Variants in ZNRF3 observed in about 807,000 individuals in gnomAD.
ZNRF3 encodes the protein zinc and ring finger 3, also known as E3 ubiquitin-protein ligase ZNRF3.
Under a neutral mutation model 72.5 loss-of-function variants are expected in ZNRF3, and 23 were observed. That is an observed-to-expected ratio of 0.32 (90% confidence interval 0.23 to 0.45). The LOEUF (loss-of-function observed/expected upper bound fraction) is 0.45. Among genes scored for constraint, ZNRF3 ranks in the 20% least tolerant of loss-of-function variants. ZNRF3 has a pLI of 1.00. For missense variants in ZNRF3, 1,169 were observed against 1,272.1 expected (o/e 0.92, Z 1.23); for synonymous variants, 610 against 545.3 (o/e 1.12, Z -1.65).
chr22:28,920,004 T>C (rs1372693320), intron 1 of ZNRF3, among the ~76,000 whole-genome samples: 1 of 151,282 alleles, frequency 6.6e-6, no homozygotes, highest in Non-Finnish European at 1.5e-5. Flanking sequence ...TTGCTCTTGT[T>C]GCCCAGGCTG....
intron 1 of ZNRF3, among the ~76,000 whole-genome samples, chr22:28,982,262 A>G (rs1026117868): frequency 6.6e-6 from 1 of 152,128 alleles, no homozygotes; most frequent in African/African-American, 2.4e-5. Flanking sequence ...TGATATTCCA[A>G]CAATTAGCAG....
intron 1 of ZNRF3, among the ~76,000 whole-genome samples, chr22:28,887,233 A>AGTGTGTGTGT (rs1460152534): frequency 2.7e-5 from 2 of 72,854 alleles, no homozygotes; most frequent in Admixed American, 1.2e-4. Context: ...AGAGAGAGAG[A>AGTGTGTGTGT]GAGTGTGTGT....
At chr22:29,027,527 G>A (rs936909817) in intron 2 of ZNRF3, among the ~76,000 whole-genome samples, 16 of 152,250 alleles carry the variant, frequency 1.1e-4, no homozygotes, top group African/African-American at 3.6e-4. Context: ...GGGATTACAG[G>A]CGTGAGCCAC....
intron 1 of ZNRF3, among the ~76,000 whole-genome samples, chr22:28,939,551 C>A (rs2034905137): frequency 6.7e-6 from 1 of 149,908 alleles, no homozygotes; most frequent in African/African-American, 2.5e-5. Flanking sequence ...AATCCTGAAG[C>A]CCTCCCTGAA....
At chr22:28,922,877 C>T (rs532978914) in intron 1 of ZNRF3, among the ~76,000 whole-genome samples, 16 of 152,036 alleles carry the variant, frequency 1.1e-4, no homozygotes, top group Non-Finnish European at 1.9e-4. Context: ...CTGAGTTAAA[C>T]GTGTAGCAGA....
At chr22:28,998,958 G>C (rs2036094093) in intron 2 of ZNRF3, among the ~76,000 whole-genome samples, 1 of 152,066 alleles carries the variant, frequency 6.6e-6, no homozygotes, top group Non-Finnish European at 1.5e-5. Flanking sequence ...TGCAACAAGG[G>C]TCACAAATGA....
chr22:29,050,225 A>G lies in ZNRF3; in HGVS notation c.2044A>G (p.Thr682Ala), dbSNP rs1251999950. The G allele has an allele frequency of 6.2e-7, 1 of 1,600,016 alleles. No homozygotes were observed. Among genetic ancestry groups the G allele is most frequent in the East Asian group, 2.2e-5 (1 of 44,868 alleles). The stretch of plus-strand genomic sequence containing the variant: ...GGAGCACAGGGGGCCCAATAGCTCT[A>G]CCTCAGAAGTGGGGCTCGAGGCTTC... ...SLEHRGPNSS[T>A]SEVGLEASPG... Residue 682 changes from threonine to alanine, a missense_variant, in exon 8 of 9, where the codon ACC becomes GCC. Thr to Ala is a moderately conservative substitution (Grantham distance 58). Transcript: ENST00000544604.
rs544905216 is a variant in ZNRF3 at position 28,896,236 on chromosome 22, G to A, written c.300+12170G>A. Among the ~76,000 whole-genome samples, 135 of 152,354 alleles carry A rather than the reference G, an allele frequency of 8.9e-4. 3 individuals are homozygous for A. Among genetic ancestry groups the A allele is most frequent in the Admixed American group, 5.0e-3 (76 of 15,304 alleles). On this transcript the variant is annotated intron_variant, in intron 1 of 8. Transcript: ENST00000544604. Reference sequence around the variant, plus strand: ...TGCAACCTCCGCCTCCCGGGTTCAAGCGATTCTCCTGCCTCAGCCTCCCGA... The same window carrying A: ...TGCAACCTCCGCCTCCCGGGTTCAAACGATTCTCCTGCCTCAGCCTCCCGA...
In ZNRF3 at chr22:29,056,236, G is replaced by A. The variant is rs2037294701; in HGVS notation, c.*2614G>A. The A allele has an allele frequency of 6.6e-6, 1 of 152,140 alleles. No homozygotes were observed. The highest frequency in any genetic ancestry group is 2.4e-5 in the African/African-American group (1 of 41,394). The allele number at this position is 152,140 out of a possible 1,614,324, so 9.4% of individuals were successfully genotyped here. A position where few individuals can be genotyped will look rare whatever the true frequency, so the allele number is the denominator to read the frequency against. On this transcript the variant is annotated 3_prime_UTR_variant, in exon 9 of 9. Transcript: ENST00000544604. ...CCTGCCTCAGCCTCCCAAGTAGCTG[G>A]GATTACAGGCATGCGCCACCACACC...
chr22:28,914,572 T>G (rs995608226), intron 1 of ZNRF3, among the ~76,000 whole-genome samples: 1 of 151,392 alleles, frequency 6.6e-6, no homozygotes, highest in Non-Finnish European at 1.5e-5. Flanking sequence ...TCCAGCACTT[T>G]GGGAGGCCGA....
In ZNRF3 at chr22:28,994,171, C is replaced by CCTGT. The variant is rs2036004352; in HGVS notation, c.426+6972_426+6973insGTCT. Among the ~76,000 whole-genome samples the CCTGT allele has an allele frequency of 3.5e-5, 3 of 85,892 alleles. 1 individual carries two copies. Among genetic ancestry groups the CCTGT allele is most frequent in the Non-Finnish European group, 6.9e-5 (3 of 43,240 alleles). 56.3% of individuals were successfully genotyped at this position (85,892 alleles called of 152,430 possible). ...CTCCCTCCTTTATTGTCCTTCAGTT[C>CCTGT]CTTTCTTTTTTTTTTTTTTTTTTTT... On this transcript the variant is annotated intron_variant, in intron 2 of 8. Transcript: ENST00000544604.
intron 1 of ZNRF3, among the ~76,000 whole-genome samples, chr22:28,887,077 C>T (rs2033801561): frequency 1.3e-5 from 2 of 152,264 alleles, no homozygotes; most frequent in South Asian, 4.2e-4. Flanking sequence ...TTTGTTATTT[C>T]CACTGGGGTT....
chr22:28,989,724 G>T (rs1054872470), intron 2 of ZNRF3, among the ~76,000 whole-genome samples: 2 of 152,084 alleles, frequency 1.3e-5, no homozygotes, highest in Admixed American at 6.5e-5. Flanking sequence ...CCAGGCATTC[G>T]GAAAAGCCTG....
chr22:28,987,324 T>C, intron 2 of ZNRF3, 123 bp downstream of exon 2: 1 of 1,415,306 alleles, frequency 7.1e-7, no homozygotes, highest in South Asian at 1.5e-5. Flanking sequence ...CCTTCCCGGC[T>C]GAAGTTGCAT....
chr22:28,977,445 A>T (rs2035695553), intron 1 of ZNRF3, among the ~76,000 whole-genome samples: 1 of 152,188 alleles, frequency 6.6e-6, no homozygotes, highest in Non-Finnish European at 1.5e-5. Context: ...AATCCTTATG[A>T]TTCAAGAGAA....
At chr22:29,019,063 T>G (rs2036485174) in intron 2 of ZNRF3, among the ~76,000 whole-genome samples, 1 of 151,506 alleles carries the variant, frequency 6.6e-6, no homozygotes, top group Non-Finnish European at 1.5e-5. Context: ...TCTCTTATCA[T>G]CCAGTAGACT....
chr22:28,903,582 C>T (rs866209001), intron 1 of ZNRF3, among the ~76,000 whole-genome samples: 6 of 152,050 alleles, frequency 3.9e-5, no homozygotes, highest in Non-Finnish European at 8.8e-5. Context: ...ATCCCCTCCC[C>T]ATCCTGAACC....
intron 5 of ZNRF3, among the ~76,000 whole-genome samples, chr22:29,045,642 A>C (rs1487267530): frequency 6.6e-6 from 1 of 151,992 alleles, no homozygotes; most frequent in Non-Finnish European, 1.5e-5. Context: ...GCACCCGGCT[A>C]ATTTTTGTAT....
At chr22:28,963,313 C>T (rs1264405587) in intron 1 of ZNRF3, among the ~76,000 whole-genome samples, 1 of 152,192 alleles carries the variant, frequency 6.6e-6, no homozygotes, top group Non-Finnish European at 1.5e-5. Flanking sequence ...GCTATAGCCA[C>T]AGGCTACAGA....
Sources: gnomAD v4.1 joint callset for allele counts (sites outside exome capture counted in the v4.1 genomes callset) on GRCh38, gnomAD v4.1.1 for gene constraint, MANE v1.5 for transcripts, NCBI Gene and HGNC (gene_info 2026-07-23, HGNC 2026-07-21) for gene names.